Variants in PRKX observed in about 807,000 individuals in gnomAD.
PRKX encodes protein kinase cAMP-dependent X-linked catalytic subunit.
PRKX carries 12 observed loss-of-function variants against 22.0 expected under a neutral mutation model. That is an observed-to-expected ratio of 0.54 (90% CI 0.35 to 0.88). The LOEUF (loss-of-function observed/expected upper bound fraction) is 0.88, where lower values mean the gene tolerates loss of function less well. PRKX is among the 40% of genes least tolerant of loss of function. PRKX has a pLI of 0.01. For missense variants in PRKX, 217 were observed against 308.0 expected (o/e 0.70, Z 2.21); for synonymous variants, 134 against 137.7 (o/e 0.97, Z 0.19).
intron 3 of PRKX, among the ~76,000 whole-genome samples, chrX:3,650,965 A>G (rs897853525): frequency 2.3e-4 from 25 of 109,525 alleles, no homozygotes; most frequent in African/African-American, 8.0e-4. Context: ...TCCACGATAC[A>G]GTGGTGAATT....
At chrX:3,679,283 T>C (rs1487433930) in intron 1 of PRKX, among the ~76,000 whole-genome samples, 6 of 111,830 alleles carry the variant, frequency 5.4e-5, no homozygotes, top group Non-Finnish European at 1.1e-4. Flanking sequence ...TACTCAGTGT[T>C]TAGATCCCAC....
At chrX:3,628,636 T>C (rs1926708408) in intron 4 of PRKX, among the ~76,000 whole-genome samples, 1 of 111,487 alleles carries the variant, frequency 9.0e-6, no homozygotes, top group African/African-American at 3.3e-5. Context: ...CTTGGGAGGC[T>C]GAGGGGGGAG....
chrX:3,609,617 GCTAA>G (rs913379182), intron 8 of PRKX, among the ~76,000 whole-genome samples: 55 of 108,450 alleles, frequency 5.1e-4, no homozygotes, highest in African/African-American at 1.8e-3. Flanking sequence ...ACTACGCCTG[GCTAA>G]CTTTTTTATT....
intron 1 of PRKX, among the ~76,000 whole-genome samples, chrX:3,703,703 C>T (rs1350991840): frequency 1.2e-5 from 1 of 86,348 alleles, no homozygotes. Context: ...TGGAGTCTCA[C>T]TCTATCACCC....
intron 3 of PRKX, among the ~76,000 whole-genome samples, chrX:3,650,076 G>A (rs1417765247): frequency 9.0e-6 from 1 of 110,919 alleles, no homozygotes; most frequent in Non-Finnish European, 1.9e-5. Flanking sequence ...GCAAGTTCGA[G>A]GCTGTGGTGA....
At chrX:3,693,955 AAAAAG>A (rs1160395945) in intron 1 of PRKX, among the ~76,000 whole-genome samples, 113 of 107,774 alleles carry the variant, frequency 1.0e-3, no homozygotes, top group Non-Finnish European at 1.7e-3. Context: ...AAAAAAAAAA[AAAAAG>A]AAAAGAAAAT....
chrX:3,666,977 TAAAA>T (rs1195804228), intron 2 of PRKX, among the ~76,000 whole-genome samples: 1 of 80,397 alleles, frequency 1.2e-5, no homozygotes, highest in African/African-American at 4.6e-5. Context: ...GTTAACAAAA[TAAAA>T]AAATTAAATT....
intron 2 of PRKX, among the ~76,000 whole-genome samples, chrX:3,670,819 A>T (rs891933927): frequency 2.7e-5 from 3 of 111,383 alleles, no homozygotes; most frequent in Non-Finnish European, 5.6e-5. Context: ...TGCTGGGATT[A>T]TAAGTGTGAG....
chrX:3,682,266 A>G (rs1156443001), intron 1 of PRKX, among the ~76,000 whole-genome samples: 1 of 111,005 alleles, frequency 9.0e-6, no homozygotes, highest in Non-Finnish European at 1.9e-5. Context: ...GCAACGCCGC[A>G]CAGCTAGCTC....
At chrX:3,708,370 A>G (rs1928723308) in intron 1 of PRKX, among the ~76,000 whole-genome samples, 1 of 111,127 alleles carries the variant, frequency 9.0e-6, no homozygotes, top group East Asian at 2.8e-4. Context: ...TGAACCGACT[A>G]ACTTGAGGCA....
chrX:3,648,655 T>TGA (rs1927246296), intron 3 of PRKX, among the ~76,000 whole-genome samples: 1 of 101,053 alleles, frequency 9.9e-6, no homozygotes, highest in African/African-American at 3.6e-5. Flanking sequence ...TGTGTGTGTG[T>TGA]GTGAAAGGGG....
chrX:3,674,036 A>G (rs777981858), intron 2 of PRKX, among the ~76,000 whole-genome samples: 49 of 111,266 alleles, frequency 4.4e-4, no homozygotes, highest in South Asian at 7.8e-4. Context: ...TGTCATTTGT[A>G]AATTACCGAG....
intron 2 of PRKX, among the ~76,000 whole-genome samples, chrX:3,669,459 G>A (rs968923223): frequency 1.8e-5 from 2 of 111,721 alleles, no homozygotes; most frequent in South Asian, 3.8e-4. Context: ...TTAGATACTC[G>A]TCATAGATGG....
chrX:3,693,553 G>A (rs1206557592), intron 1 of PRKX, among the ~76,000 whole-genome samples: 1 of 110,997 alleles, frequency 9.0e-6, no homozygotes, highest in Non-Finnish European at 1.9e-5. Context: ...GATGTATTGA[G>A]ATTGAGGGAT....
intron 8 of PRKX, among the ~76,000 whole-genome samples, chrX:3,609,643 T>TG (rs56152404): frequency 0.1 from 11,027 of 109,541 alleles, 572 homozygotes; most frequent in Non-Finnish European, 0.16. Context: ...TTTGTAGAGA[T>TG]GGGGTCTCAC....
chrX:3,609,362 T>C (rs1255417946), intron 8 of PRKX, among the ~76,000 whole-genome samples: 1 of 111,692 alleles, frequency 9.0e-6, no homozygotes, highest in Non-Finnish European at 1.9e-5. Context: ...GATTTCACCA[T>C]GTTTGCCAGG....
chrX:3,662,172 G>T (rs188256881), intron 2 of PRKX, among the ~76,000 whole-genome samples: 74 of 111,329 alleles, frequency 6.6e-4, no homozygotes, highest in African/African-American at 2.3e-3. Flanking sequence ...TGGCTGGAGG[G>T]GGTCCTGTAA....
Position 3,606,437 on chromosome X carries a change from G to T in PRKX, c.*2532C>A, listed in dbSNP as rs1472874252. On this transcript the variant is annotated 3_prime_UTR_variant, in exon 9 of 9. Transcript: ENST00000262848. ...TCTGTGGCCCAGGCTGGAGTGCAGT[G>T]GCACGATCTCGGCTTACTGCAGCCT... 3 of 111,904 alleles carry T rather than the reference G, an allele frequency of 2.7e-5. No homozygotes were observed. Among genetic ancestry groups the T allele is most frequent in the Non-Finnish European group, 5.6e-5 (3 of 53,151 alleles). The allele number at this position is 111,904 out of a possible 1,213,427, so 9.2% of individuals were successfully genotyped here.
chrX:3,674,502 G>A (rs1438446241), intron 2 of PRKX, 96 bp downstream of exon 2: 15 of 902,317 alleles, frequency 1.7e-5, no homozygotes, highest in South Asian at 4.7e-5. Flanking sequence ...GGCTTTGCAC[G>A]CAGGCCATGG....
Sources: allele counts gnomAD v4.1 joint callset (sites outside exome capture counted in the v4.1 genomes callset), GRCh38; gene constraint gnomAD v4.1.1; transcripts MANE v1.5; gene names NCBI Gene and HGNC (gene_info 2026-07-23, HGNC 2026-07-21).